Variants in TBC1D32 observed in about 807,000 individuals in gnomAD.
The protein encoded by TBC1D32 is TBC1 domain family member 32.
In TBC1D32, 151 loss-of-function variants were observed where a neutral mutation model predicts 170.3. That is an observed-to-expected ratio of 0.89 (90% CI 0.78 to 1.01). The LOEUF (loss-of-function observed/expected upper bound fraction) is 1.01. Ranked by LOEUF, TBC1D32 falls within the 50% of genes least tolerant of loss-of-function variation. TBC1D32 has a pLI of 0.00. For missense variants in TBC1D32, 1,464 were observed against 1,457.1 expected (o/e 1.00, Z -0.08); for synonymous variants, 498 against 488.0 (o/e 1.02, Z -0.27).
chr6:121,203,996 A>T (rs1397984146), intron 22 of TBC1D32, among the ~76,000 whole-genome samples: 1 of 140,898 alleles, frequency 7.1e-6, no homozygotes, highest in Non-Finnish European at 1.5e-5. Context: ...ATATACAGGA[A>T]AAAAAAAAAG....
At chr6:121,147,585 A>AT (rs1469417003) in intron 24 of TBC1D32, among the ~76,000 whole-genome samples, 1 of 148,884 alleles carries the variant, frequency 6.7e-6, no homozygotes, top group East Asian at 1.9e-4. Context: ...CATTTTTAAT[A>AT]TTTTTTTATT....
chr6:121,226,107 A>T (rs907626419), intron 20 of TBC1D32, among the ~76,000 whole-genome samples: 3 of 152,150 alleles, frequency 2.0e-5, no homozygotes, highest in African/African-American at 7.2e-5. Context: ...TCAGGTTGAT[A>T]ATGATCTTCT....
At chr6:121,100,271 T>C (rs1777873367) in intron 30 of TBC1D32, among the ~76,000 whole-genome samples, 1 of 152,124 alleles carries the variant, frequency 6.6e-6, no homozygotes, top group African/African-American at 2.4e-5. Flanking sequence ...GTTCTGTAGA[T>C]GTCTATTAGG....
intron 3 of TBC1D32, 144 bp downstream of exon 3, chr6:121,317,351 A>G (rs1809072346): frequency 3.8e-6 from 2 of 531,740 alleles, no homozygotes; most frequent in Non-Finnish European, 6.2e-6. Flanking sequence ...CATGGACTAA[A>G]TATTTAATAT....
chr6:121,182,259 T>C (rs1471208562), intron 22 of TBC1D32, among the ~76,000 whole-genome samples: 2 of 152,058 alleles, frequency 1.3e-5, no homozygotes, highest in Non-Finnish European at 2.9e-5. Flanking sequence ...TTTATAACAA[T>C]TTGTTAAGTT....
chr6:121,238,661 TC>T, intron 20 of TBC1D32, among the ~76,000 whole-genome samples: 1 of 152,258 alleles, frequency 6.6e-6, no homozygotes, highest in East Asian at 1.9e-4. Context: ...TGTCTGTACT[TC>T]CTTCAAATAT....
At chr6:121,175,507 C>T (rs1054199664) in intron 22 of TBC1D32, among the ~76,000 whole-genome samples, 1 of 152,220 alleles carries the variant, frequency 6.6e-6, no homozygotes, top group Non-Finnish European at 1.5e-5. Context: ...AAGCACAGCT[C>T]ATTCCAGGGA....
chr6:121,141,964 T>G (rs1037778019), intron 24 of TBC1D32, among the ~76,000 whole-genome samples: 7 of 152,172 alleles, frequency 4.6e-5, no homozygotes, highest in Non-Finnish European at 1.0e-4. Flanking sequence ...CTAGATAGCT[T>G]GTTTACTTAT....
chr6:121,161,095 T>C, intron 22 of TBC1D32, 39 bp from the exon 23 acceptor site: 2 of 1,447,518 alleles, frequency 1.4e-6, no homozygotes, highest in African/African-American at 1.4e-5. Flanking sequence ...ATCCTTTTGA[T>C]TGAATATGTG....
chr6:121,288,771 C>T (rs377063492), intron 12 of TBC1D32, among the ~76,000 whole-genome samples: 1,756 of 148,954 alleles, frequency 0.012, 56 homozygotes, highest in East Asian at 0.064. Flanking sequence ...ACTGGCAAAC[C>T]AAATCCAGCA....
At chr6:121,156,404 T>A (rs996594647) in intron 24 of TBC1D32, among the ~76,000 whole-genome samples, 1 of 151,322 alleles carries the variant, frequency 6.6e-6, no homozygotes, top group African/African-American at 2.4e-5. Flanking sequence ...TGGATCTTCT[T>A]TTTTTTTTCT....
chr6:121,120,246 A>C (rs1314471342), intron 26 of TBC1D32, among the ~76,000 whole-genome samples: 1 of 152,100 alleles, frequency 6.6e-6, no homozygotes. Context: ...TTCAGGGTTT[A>C]TCTGCCTAGC....
At chr6:121,251,307 A>G (rs973190178) in intron 17 of TBC1D32, among the ~76,000 whole-genome samples, 4 of 152,148 alleles carry the variant, frequency 2.6e-5, no homozygotes, top group African/African-American at 9.7e-5. Context: ...TGGAGGCATC[A>G]TGCTACCTGA....
intron 22 of TBC1D32, among the ~76,000 whole-genome samples, chr6:121,200,743 A>G (rs1056010068): frequency 4.0e-5 from 6 of 151,602 alleles, no homozygotes; most frequent in African/African-American, 9.8e-5. Flanking sequence ...AGAATGGGCT[A>G]TAAGTAATTC....
chr6:121,179,121 T>C lies in TBC1D32; in HGVS notation c.2571-18065A>G, dbSNP rs553936180. Among the ~76,000 whole-genome samples the C allele has an allele frequency of 3.3e-5, 5 of 152,202 alleles. No homozygotes were observed. The East Asian group carries it at 9.6e-4, about 29-fold the overall frequency. ...AACACCTAAGCAATTAAAAGTATGA[T>C]AATGCTATTTGGTTGATAAGGAGAA... On this transcript the variant is annotated intron_variant, in intron 22 of 31. Transcript: ENST00000398212.
chr6:121,276,055 C>A (rs1351954872), intron 15 of TBC1D32, among the ~76,000 whole-genome samples: 1 of 144,964 alleles, frequency 6.9e-6, no homozygotes, highest in Non-Finnish European at 1.5e-5. Flanking sequence ...GGGAGGCAGA[C>A]ATTGCAGTGA....
intron 26 of TBC1D32, among the ~76,000 whole-genome samples, chr6:121,125,843 G>A (rs965338875): frequency 6.6e-6 from 1 of 152,148 alleles, no homozygotes; most frequent in South Asian, 2.1e-4. Context: ...GCTGAGACTG[G>A]GCCCTCTGAG....
At chr6:121,316,376 C>CT (rs1808940830) in intron 3 of TBC1D32, among the ~76,000 whole-genome samples, 1 of 152,078 alleles carries the variant, frequency 6.6e-6, no homozygotes, top group Non-Finnish European at 1.5e-5. Flanking sequence ...TTTTCTGTGC[C>CT]TTTTAAGTCC....
At chr6:121,137,389 A>G (rs1361793578) in intron 24 of TBC1D32, among the ~76,000 whole-genome samples, 1 of 151,254 alleles carries the variant, frequency 6.6e-6, no homozygotes, top group Non-Finnish European at 1.5e-5. Flanking sequence ...GATTTATCTA[A>G]TGAGTAAGGT....
Sources: gnomAD v4.1 joint callset for allele counts (sites outside exome capture counted in the v4.1 genomes callset) on GRCh38, gnomAD v4.1.1 for gene constraint, MANE v1.5 for transcripts, NCBI Gene and HGNC (gene_info 2026-07-23, HGNC 2026-07-21) for gene names.